The following QTMAN variants were observed in gnomAD, a reference collection of about 807,000 sequenced individuals.
The protein encoded by QTMAN is tRNA-queuosine alpha-mannosyltransferase.
At chr2:144,322,232 CTT>C in the QTMAN span, among the ~76,000 whole-genome samples, 404 of 152,244 alleles carry the variant, frequency 2.7e-3, 2 homozygotes, top group Non-Finnish European at 4.2e-3. Context: ...TTTTCAATCT[CTT>C]TAGTCAGGAC....
At chr2:144,009,328 A>T in the QTMAN span, among the ~76,000 whole-genome samples, 1 of 152,018 alleles carries the variant, frequency 6.6e-6, no homozygotes, top group Non-Finnish European at 1.5e-5. Context: ...GCTTTCAGAA[A>T]CTCACTGAGG....
At chr2:144,222,839 T>C in the QTMAN span, among the ~76,000 whole-genome samples, 2 of 152,132 alleles carry the variant, frequency 1.3e-5, no homozygotes, top group African/African-American at 2.4e-5. Flanking sequence ...GAAAATGTTA[T>C]TGTATAATCA....
the QTMAN span, among the ~76,000 whole-genome samples, chr2:144,213,347 A>G: frequency 1.3e-5 from 2 of 152,182 alleles, no homozygotes; most frequent in Admixed American, 1.3e-4. Flanking sequence ...AACAGTATAG[A>G]TATTAAAAAT....
chr2:144,007,309 T>C, the QTMAN span: 2 of 1,613,156 alleles, frequency 1.2e-6, no homozygotes, highest in African/African-American at 2.7e-5. Context: ...TCTGACGAGG[T>C]GGATTTTTTC....
chr2:144,231,418 C>A, the QTMAN span, among the ~76,000 whole-genome samples: 1 of 151,946 alleles, frequency 6.6e-6, no homozygotes. Context: ...TTGCTGTTAT[C>A]TCTTAATAAA....
At chr2:144,188,308 T>C in the QTMAN span, among the ~76,000 whole-genome samples, 1 of 152,076 alleles carries the variant, frequency 6.6e-6, no homozygotes, top group African/African-American at 2.4e-5. Context: ...TTCACAACAT[T>C]GAAAAGTAGT....
chr2:144,170,441 G>A, the QTMAN span, among the ~76,000 whole-genome samples: 1 of 152,180 alleles, frequency 6.6e-6, no homozygotes, highest in East Asian at 1.9e-4. Context: ...GTGATGTGGA[G>A]TGGCCCAGAT....
At chr2:143,987,698 T>C in the QTMAN span, among the ~76,000 whole-genome samples, 3 of 152,226 alleles carry the variant, frequency 2.0e-5, no homozygotes, top group Admixed American at 1.3e-4. Flanking sequence ...TTCCCAGCAA[T>C]AAGGGCAAGG....
chr2:144,074,069 C>G, the QTMAN span, among the ~76,000 whole-genome samples: 3 of 152,074 alleles, frequency 2.0e-5, no homozygotes, highest in Non-Finnish European at 4.4e-5. Flanking sequence ...AGAACATGCT[C>G]CTATTTGATT....
At chr2:143,994,095 T>A in the QTMAN span, among the ~76,000 whole-genome samples, 1 of 152,186 alleles carries the variant, frequency 6.6e-6, no homozygotes, top group Non-Finnish European at 1.5e-5. Context: ...CAATTAAGAT[T>A]GACTTTTTAT....
the QTMAN span, among the ~76,000 whole-genome samples, chr2:143,951,696 G>T: frequency 1.3e-5 from 2 of 151,206 alleles, no homozygotes; most frequent in Non-Finnish European, 3.0e-5. Context: ...ATTAATTCAG[G>T]TTCATTTTTA....
At chr2:144,025,801 C>T in the QTMAN span, among the ~76,000 whole-genome samples, 3 of 152,180 alleles carry the variant, frequency 2.0e-5, no homozygotes, top group Non-Finnish European at 2.9e-5. Flanking sequence ...GCGTACTCCC[C>T]TTTTCTCTCA....
chr2:144,318,598 G>A, the QTMAN span, among the ~76,000 whole-genome samples: 1 of 152,164 alleles, frequency 6.6e-6, no homozygotes. Context: ...CCAGCAACCT[G>A]CAGATCTTTT....
the QTMAN span, among the ~76,000 whole-genome samples, chr2:144,200,499 G>T: frequency 6.6e-6 from 1 of 152,094 alleles, no homozygotes; most frequent in Non-Finnish European, 1.5e-5. Context: ...TAAAATACAC[G>T]AACAATAACA....
At chr2:144,277,081 A>G in the QTMAN span, among the ~76,000 whole-genome samples, 1 of 152,204 alleles carries the variant, frequency 6.6e-6, no homozygotes, top group African/African-American at 2.4e-5. Flanking sequence ...AAGGCAGACA[A>G]TAGGTGCCCA....
At chr2:144,145,519 T>C in the QTMAN span, 293 of 1,364,576 alleles carry the variant, frequency 2.1e-4, no homozygotes, top group Non-Finnish European at 2.7e-4. Context: ...CGTAACCACC[T>C]ACAAAGAAAA....
chr2:144,256,272 G>A, the QTMAN span, among the ~76,000 whole-genome samples: 1 of 152,112 alleles, frequency 6.6e-6, no homozygotes, highest in Non-Finnish European at 1.5e-5. Context: ...GTCAAAATAT[G>A]AAGTTTTACA....
chr2:143,998,411 C>CA, the QTMAN span, among the ~76,000 whole-genome samples: 1 of 151,158 alleles, frequency 6.6e-6, no homozygotes, highest in Non-Finnish European at 1.5e-5. Flanking sequence ...TAATGAGTTG[C>CA]ATAGCCAATA....
chr2:144,158,993 A>G, the QTMAN span, among the ~76,000 whole-genome samples: 1 of 152,078 alleles, frequency 6.6e-6, no homozygotes, highest in Non-Finnish European at 1.5e-5. Flanking sequence ...TAAAATAACA[A>G]TAAAGAGTGA....
Sources: gnomAD v4.1 joint callset for allele counts (sites outside exome capture counted in the v4.1 genomes callset) on GRCh38, gnomAD v4.1.1 for gene constraint, MANE v1.5 for transcripts, NCBI Gene and HGNC (gene_info 2026-07-23, HGNC 2026-07-21) for gene names.